The following KSR2 variants were observed in gnomAD, a reference collection of about 807,000 sequenced individuals.
KSR2 encodes the protein kinase suppressor of ras 2.
Under a neutral mutation model 107.8 loss-of-function variants are expected in KSR2, and 25 were observed. That is an observed-to-expected ratio of 0.23 (90% CI 0.17 to 0.32). The LOEUF (loss-of-function observed/expected upper bound fraction) is 0.32, where lower values mean the gene tolerates loss of function less well. Ranked by LOEUF, KSR2 falls within the 10% of genes least tolerant of loss-of-function variation. KSR2 has a pLI of 1.00. For missense variants in KSR2, 887 were observed against 1,268.9 expected (o/e 0.70, Z 4.57); for synonymous variants, 480 against 507.0 (o/e 0.95, Z 0.71).
At chr12:117,816,771 G>T (rs1891386732) in intron 3 of KSR2, among the ~76,000 whole-genome samples, 1 of 152,164 alleles carries the variant, frequency 6.6e-6, no homozygotes, top group South Asian at 2.1e-4. Context: ...CATTATTTTG[G>T]TTAATTCACA....
At chr12:117,686,454 G>A (rs1885578296) in intron 4 of KSR2, among the ~76,000 whole-genome samples, 1 of 151,944 alleles carries the variant, frequency 6.6e-6, no homozygotes, top group Admixed American at 6.6e-5. Flanking sequence ...AGGTCACACA[G>A]CATATAAGGG....
At chr12:117,753,239 T>C (rs1376936924) in intron 4 of KSR2, among the ~76,000 whole-genome samples, 1 of 152,196 alleles carries the variant, frequency 6.6e-6, no homozygotes, top group African/African-American at 2.4e-5. Flanking sequence ...CTAATCTCCA[T>C]CCCTAACCTC....
intron 3 of KSR2, 118 bp downstream of exon 3, chr12:117,855,309 GC>G (rs1281897923): frequency 9.0e-6 from 12 of 1,332,636 alleles, no homozygotes; most frequent in South Asian, 2.7e-5. Flanking sequence ...TTTCGGATTT[GC>G]CCCCCAGGGT....
intron 4 of KSR2, among the ~76,000 whole-genome samples, chr12:117,684,410 A>C (rs1339153661): frequency 1.3e-5 from 2 of 152,168 alleles, no homozygotes; most frequent in Non-Finnish European, 2.9e-5. Context: ...AATACATGAA[A>C]ATCCAAGTGT....
chr12:117,693,767 C>CTAT (rs1885930048), intron 4 of KSR2, among the ~76,000 whole-genome samples: 1 of 151,920 alleles, frequency 6.6e-6, no homozygotes, highest in East Asian at 1.9e-4. Flanking sequence ...CCCCAGGAAG[C>CTAT]GGGTCCTACC....
intron 7 of KSR2, among the ~76,000 whole-genome samples, chr12:117,564,396 A>C (rs538710431): frequency 6.6e-6 from 1 of 152,358 alleles, no homozygotes; most frequent in Non-Finnish European, 1.5e-5. Context: ...TCTAAGTAGT[A>C]CCACATAGGC....
intron 3 of KSR2, among the ~76,000 whole-genome samples, chr12:117,782,182 CT>C (rs1269674035): frequency 1.3e-5 from 2 of 152,190 alleles, no homozygotes; most frequent in African/African-American, 4.8e-5. Flanking sequence ...CCAATAGTAT[CT>C]GGACCAGAAC....
intron 5 of KSR2, among the ~76,000 whole-genome samples, chr12:117,604,180 C>A (rs1200305757): frequency 2.0e-5 from 3 of 152,256 alleles, no homozygotes; most frequent in Non-Finnish European, 2.9e-5. Flanking sequence ...ATTCATGACT[C>A]CTCCTAAGCT....
At chr12:117,780,248 A>G (rs1020519935) in intron 3 of KSR2, among the ~76,000 whole-genome samples, 1 of 152,210 alleles carries the variant, frequency 6.6e-6, no homozygotes, top group Admixed American at 6.5e-5. Flanking sequence ...ACTTAAACAG[A>G]TATTTATACA....
chr12:117,673,131 G>A (rs1428629518), intron 4 of KSR2, among the ~76,000 whole-genome samples: 5 of 152,198 alleles, frequency 3.3e-5, no homozygotes, highest in African/African-American at 1.2e-4. Flanking sequence ...AATGACCTCA[G>A]AGTCAATCTG....
At chr12:117,567,955 T>C (rs1878632423) in intron 7 of KSR2, among the ~76,000 whole-genome samples, 5 of 152,168 alleles carry the variant, frequency 3.3e-5, no homozygotes, top group Admixed American at 2.0e-4. Flanking sequence ...GTACAGGATA[T>C]CAAAACACCC....
chr12:117,660,608 T>C (rs1394282085), intron 5 of KSR2, among the ~76,000 whole-genome samples: 1 of 152,170 alleles, frequency 6.6e-6, no homozygotes, highest in Non-Finnish European at 1.5e-5. Context: ...ATAAGGCACA[T>C]CCACAGGTGT....
At chr12:117,483,254 G>T (rs978365344) in intron 16 of KSR2, among the ~76,000 whole-genome samples, 11 of 152,066 alleles carry the variant, frequency 7.2e-5, no homozygotes, top group Non-Finnish European at 1.5e-4. Flanking sequence ...TCATCACACA[G>T]AAACAGCTAC....
chr12:117,524,713 A>G (rs933487947), intron 14 of KSR2, 139 bp downstream of exon 14: 1 of 1,075,826 alleles, frequency 9.3e-7, no homozygotes, highest in Admixed American at 3.1e-5. Context: ...TAAATCTTAA[A>G]CCATGTAAGT....
intron 16 of KSR2, among the ~76,000 whole-genome samples, chr12:117,478,577 G>A (rs1481356020): frequency 1.3e-5 from 2 of 151,976 alleles, no homozygotes; most frequent in Admixed American, 1.3e-4. Context: ...TGGGATTACA[G>A]GCGTGAGCAA....
At position 117,968,849 on chromosome 12, in the gene KSR2, C is replaced by T; in HGVS notation, c.-594G>A. The T allele has an allele frequency of 9.4e-6, 2 of 213,776 alleles. No homozygotes were observed. The highest frequency in any genetic ancestry group is 1.9e-5 in the Non-Finnish European group (2 of 105,728). The allele number at this position is 213,776 out of a possible 1,614,324, so 13.2% of individuals were successfully genotyped here. A position where few individuals can be genotyped will look rare whatever the true frequency, so the allele number is the denominator to read the frequency against. ...CAAGGTGCTGTCTGCATTGCTCCCG[C>T]GGCTGCGGCGGCTACTGCGGCTGGC... is the stretch of plus-strand genomic sequence containing the variant. On this transcript the variant is annotated 5_prime_UTR_variant, in exon 1 of 20. Coordinates refer to ENST00000339824, the MANE Select transcript of KSR2 (RefSeq NM_173598.6).
chr12:117,923,664 T>C (rs1895412704), intron 1 of KSR2, among the ~76,000 whole-genome samples: 1 of 151,766 alleles, frequency 6.6e-6, no homozygotes, highest in African/African-American at 2.4e-5. Context: ...TCTTAAAATA[T>C]ATATGTGTGT....
intron 14 of KSR2, among the ~76,000 whole-genome samples, chr12:117,498,867 G>A (rs896198737): frequency 6.6e-6 from 1 of 152,214 alleles, no homozygotes; most frequent in Non-Finnish European, 1.5e-5. Flanking sequence ...GGCCTCCCCA[G>A]CCATGTGGAA....
chr12:117,859,139 CTT>C (rs34697963), intron 2 of KSR2, among the ~76,000 whole-genome samples: 10,983 of 79,978 alleles, frequency 0.14, 226 homozygotes, highest in African/African-American at 0.16. Flanking sequence ...ATGAGCTGAA[CTT>C]TTTTTTTTTT....
Sources: allele counts gnomAD v4.1 joint callset (sites outside exome capture counted in the v4.1 genomes callset), GRCh38; gene constraint gnomAD v4.1.1; transcripts MANE v1.5; gene names NCBI Gene and HGNC (gene_info 2026-07-23, HGNC 2026-07-21).